HSD17B12: variants seen among roughly 807,000 people sequenced by gnomAD.
HSD17B12 encodes the protein very-long-chain 3-oxoacyl-CoA reductase.
In HSD17B12, 32 loss-of-function variants were observed where a neutral mutation model predicts 39.3. The observed-to-expected ratio is 0.81, with a 90% CI of 0.61 to 1.09. The LOEUF is 1.09. HSD17B12 is among the 50% of genes least tolerant of loss of function. The pLI is 0.00. For synonymous variants in HSD17B12, 150 were observed against 146.7 expected (o/e 1.02, Z -0.16); for missense variants, 342 against 382.9 (o/e 0.89, Z 0.89).
the HSD17B12 span, among the ~76,000 whole-genome samples, chr11:43,623,271 A>T: frequency 3.4e-3 from 513 of 152,272 alleles, 3 homozygotes; most frequent in East Asian, 0.03. Context: ...TAGCTTTAGT[A>T]ACTGTTGGAG....
rs1229840663 is a variant in HSD17B12, at chr11:43,855,612, A to G, written c.*364A>G. The G allele has an allele frequency of 6.5e-6, 1 of 153,392 alleles. No homozygotes were observed. The highest frequency in any genetic ancestry group is 1.4e-5 in the Non-Finnish European group (1 of 69,090). The allele number at this position is 153,392 out of a possible 1,614,324, so 9.5% of individuals were successfully genotyped here. A position where few individuals can be genotyped will look rare whatever the true frequency, so the allele number is the denominator to read the frequency against. On this transcript the variant is annotated 3_prime_UTR_variant, in exon 11 of 11. Coordinates refer to ENST00000278353, the MANE Select transcript of HSD17B12 (RefSeq NM_016142.3). ...AAATGCCATTGATCATTATTCCTGT[A>G]TTTTCTCTGAAACTGATTATAAAAA...
At chr11:43,751,533 A>G (rs1441623924) in intron 2 of HSD17B12, among the ~76,000 whole-genome samples, 2 of 152,196 alleles carry the variant, frequency 1.3e-5, no homozygotes, top group Admixed American at 1.3e-4. Context: ...CCTACAGCCT[A>G]TGATGAAGTG....
the HSD17B12 span, among the ~76,000 whole-genome samples, chr11:43,600,820 G>A: frequency 3.3e-5 from 5 of 151,754 alleles, no homozygotes; most frequent in Non-Finnish European, 5.9e-5. Flanking sequence ...ACAGTGTATG[G>A]CACGTAATAA....
At chr11:43,587,831 C>A in the HSD17B12 span, among the ~76,000 whole-genome samples, 1 of 152,178 alleles carries the variant, frequency 6.6e-6, no homozygotes, top group East Asian at 1.9e-4. Flanking sequence ...GACGGATTTC[C>A]TCTGGTGCTT....
At chr11:43,577,505 G>T in the HSD17B12 span, among the ~76,000 whole-genome samples, 2 of 152,136 alleles carry the variant, frequency 1.3e-5, no homozygotes, top group African/African-American at 4.8e-5. Flanking sequence ...CCAGGATCCC[G>T]CACCTTCCCG....
At chr11:43,814,947 GCT>G (rs1169638088) in intron 4 of HSD17B12, among the ~76,000 whole-genome samples, 1 of 152,096 alleles carries the variant, frequency 6.6e-6, no homozygotes, top group Non-Finnish European at 1.5e-5. Context: ...TATTAAATGA[GCT>G]CTCATTCTGG....
At chr11:43,588,230 A>C in the HSD17B12 span, among the ~76,000 whole-genome samples, 10 of 152,226 alleles carry the variant, frequency 6.6e-5, no homozygotes, top group South Asian at 1.7e-3. Context: ...GGGGAGTTAG[A>C]TGCTCTTATT....
chr11:43,582,883 T>G, the HSD17B12 span, among the ~76,000 whole-genome samples: 3 of 152,170 alleles, frequency 2.0e-5, no homozygotes, highest in Non-Finnish European at 1.5e-5. Flanking sequence ...GAATACGTTT[T>G]CTAAAAGAGT....
At chr11:43,663,143 C>T in the HSD17B12 span, among the ~76,000 whole-genome samples, 4 of 152,106 alleles carry the variant, frequency 2.6e-5, no homozygotes, top group Non-Finnish European at 5.9e-5. Context: ...AGTGCAGTGG[C>T]GTGATCTCAG....
At chr11:43,737,856 G>A (rs1260045226) in intron 1 of HSD17B12, among the ~76,000 whole-genome samples, 1 of 152,002 alleles carries the variant, frequency 6.6e-6, no homozygotes, top group Non-Finnish European at 1.5e-5. Context: ...GGTGGATCAC[G>A]AGGTCAGGAG....
chr11:43,847,707 C>G (rs1270523541), intron 9 of HSD17B12, among the ~76,000 whole-genome samples: 1 of 71,522 alleles, frequency 1.4e-5, no homozygotes, highest in Admixed American at 1.2e-4. Context: ...GAGCAAGACT[C>G]TGCCTCACAA....
Position 43,855,126 on chromosome 11 carries a change from C to CT in HSD17B12, c.835-17dup. ...TTGTAGGCTATAATTACATATCTCTCTCATTCTGTTTCCCTAGGGCTCGAT... is the reference window on the plus strand; with the variant it reads ...TTGTAGGCTATAATTACATATCTCTCTTCATTCTGTTTCCCTAGGGCTCGAT... On this transcript the variant is annotated splice_polypyrimidine_tract_variant and intron_variant, in intron 10 of 10. Transcript: ENST00000278353. 1 of 1,502,096 alleles carries CT rather than the reference C, an allele frequency of 6.7e-7. No individual in the cohort carries two copies. The allele number at this position is 1,502,096 out of a possible 1,614,324, so 93.0% of individuals were successfully genotyped here.
the HSD17B12 span, among the ~76,000 whole-genome samples, chr11:43,600,012 G>A: frequency 8.9e-4 from 135 of 152,094 alleles, 1 homozygote; most frequent in Non-Finnish European, 1.8e-3. Context: ...TTCAGTGTTC[G>A]GCAGTACTGA....
At chr11:43,729,956 A>G (rs199618774) in intron 1 of HSD17B12, among the ~76,000 whole-genome samples, 2 of 152,084 alleles carry the variant, frequency 1.3e-5, no homozygotes, top group East Asian at 3.9e-4. Flanking sequence ...TCTATTTTAA[A>G]TTGTTGAAGA....
chr11:43,573,514 T>A, the HSD17B12 span, among the ~76,000 whole-genome samples: 8 of 152,302 alleles, frequency 5.3e-5, no homozygotes, highest in African/African-American at 1.7e-4. Flanking sequence ...ACCAGCATAA[T>A]TTTGGCTGCT....
At chr11:43,718,481 T>G (rs961007466) in intron 1 of HSD17B12, among the ~76,000 whole-genome samples, 3 of 152,192 alleles carry the variant, frequency 2.0e-5, no homozygotes, top group Non-Finnish European at 4.4e-5. Context: ...ATAAGTTACC[T>G]GCCTCTGTCT....
At chr11:43,561,993 G>A in the HSD17B12 span, among the ~76,000 whole-genome samples, 8 of 152,260 alleles carry the variant, frequency 5.3e-5, no homozygotes, top group South Asian at 1.4e-3. Context: ...AAACCACATA[G>A]GTTCAAGCAA....
intron 1 of HSD17B12, among the ~76,000 whole-genome samples, chr11:43,683,549 AAAAC>A (rs1004442843): frequency 6.6e-6 from 1 of 152,322 alleles, no homozygotes; most frequent in African/African-American, 2.4e-5. Flanking sequence ...AATAATTTGA[AAAAC>A]AAACTAGCAG....
chr11:43,793,149 A>T (rs1950884175), intron 3 of HSD17B12, among the ~76,000 whole-genome samples: 1 of 152,174 alleles, frequency 6.6e-6, no homozygotes, highest in South Asian at 2.1e-4. Context: ...AGAGAGTGGA[A>T]GTAGCTTTAC....
Sources: gnomAD v4.1 joint callset for allele counts (sites outside exome capture counted in the v4.1 genomes callset) on GRCh38, gnomAD v4.1.1 for gene constraint, MANE v1.5 for transcripts, NCBI Gene and HGNC (gene_info 2026-07-23, HGNC 2026-07-21) for gene names.